The following RAB7A variants were observed in gnomAD, a reference collection of about 807,000 sequenced individuals.
RAB7A encodes the protein RAB7A, member RAS oncogene family, also known as ras-related protein Rab-7a.
In RAB7A, 2 loss-of-function variants were observed where a neutral mutation model predicts 24.5. The observed-to-expected ratio is 0.08, with a 90% confidence interval of 0.03 to 0.26. The LOEUF (loss-of-function observed/expected upper bound fraction) is 0.26, where lower values mean the gene tolerates loss of function less well. Ranked by LOEUF, RAB7A falls within the 10% of genes least tolerant of loss-of-function variation. The pLI is 1.00. For missense variants in RAB7A, 118 were observed against 255.7 expected (o/e 0.46, Z 3.67); for synonymous variants, 100 against 95.9 (o/e 1.04, Z -0.25).
intron 1 of RAB7A, among the ~76,000 whole-genome samples, chr3:128,762,784 C>T (rs2070785664): frequency 6.6e-6 from 1 of 152,154 alleles, no homozygotes; most frequent in Admixed American, 6.5e-5. Flanking sequence ...GAAAGCCACT[C>T]CTCCTCTAAT....
At chr3:128,780,556 A>C (rs1933196566) in intron 1 of RAB7A, among the ~76,000 whole-genome samples, 1 of 152,238 alleles carries the variant, frequency 6.6e-6, no homozygotes, top group Non-Finnish European at 1.5e-5. Flanking sequence ...TCTGCAGGTC[A>C]TCCCCAGCAC....
chr3:128,746,550 A>G lies in RAB7A; in HGVS notation c.-9+20191A>G, dbSNP rs527551543. Among the ~76,000 whole-genome samples, 77 of 150,432 alleles carry G rather than the reference A, an allele frequency of 5.1e-4. 1 individual carries two copies. The South Asian group carries it at 9.6e-3, about 19-fold the overall frequency. On this transcript the variant is annotated intron_variant, in intron 1 of 5. Coordinates refer to ENST00000265062, the MANE Select transcript of RAB7A (RefSeq NM_004637.6). ...TTTATTTTTTATTTTGTTTTTGGAG[A>G]TGGAGTCTCGCTCTGTCTCCCAGGC...
At chr3:128,765,818 A>G (rs979288338) in intron 1 of RAB7A, among the ~76,000 whole-genome samples, 3 of 148,710 alleles carry the variant, frequency 2.0e-5, no homozygotes, top group African/African-American at 5.0e-5. Flanking sequence ...TTGGAGTACA[A>G]TGGCTCAGTC....
intron 1 of RAB7A, among the ~76,000 whole-genome samples, chr3:128,760,139 T>TC (rs2107595787): frequency 6.6e-6 from 1 of 152,208 alleles, no homozygotes; most frequent in African/African-American, 2.4e-5. Context: ...GTGGCTGCCC[T>TC]CCCCAGCGTG....
At chr3:128,736,816 TACA>T (rs2070493896) in intron 1 of RAB7A, among the ~76,000 whole-genome samples, 1 of 152,158 alleles carries the variant, frequency 6.6e-6, no homozygotes, top group African/African-American at 2.4e-5. Context: ...AGTGTGATCC[TACA>T]TGTGTGGACT....
At chr3:128,752,811 CTGAAGTATG>C (rs2070698911) in intron 1 of RAB7A, among the ~76,000 whole-genome samples, 4 of 149,232 alleles carry the variant, frequency 2.7e-5, no homozygotes, top group African/African-American at 9.9e-5. Flanking sequence ...TTTTTGAAAC[CTGAAGTATG>C]CTACAACAGC....
At chr3:128,775,548 C>T (rs142751871) in intron 1 of RAB7A, among the ~76,000 whole-genome samples, 2 of 152,252 alleles carry the variant, frequency 1.3e-5, no homozygotes, top group South Asian at 2.1e-4. Context: ...TCCATTTGTC[C>T]TGAGCAGGCA....
chr3:128,791,148 G>GT (rs1037576591), intron 1 of RAB7A, among the ~76,000 whole-genome samples: 149 of 145,800 alleles, frequency 1.0e-3, no homozygotes, highest in Admixed American at 2.1e-3. Flanking sequence ...TGTTTTGTTT[G>GT]TTTTTTTTTT....
chr3:128,809,931 ACAGTCTTTT>A (rs1933884802), intron 5 of RAB7A, among the ~76,000 whole-genome samples: 1 of 67,328 alleles, frequency 1.5e-5, no homozygotes, highest in African/African-American at 6.1e-5. Context: ...TCCTCTTGCC[ACAGTCTTTT>A]TTTTTTTTTT....
intron 1 of RAB7A, among the ~76,000 whole-genome samples, chr3:128,774,577 T>C (rs543993759): frequency 2.6e-5 from 4 of 152,122 alleles, no homozygotes; most frequent in Admixed American, 1.3e-4. Flanking sequence ...TTCTTTTATT[T>C]ATTTATTTAT....
chr3:128,776,721 A>G (rs1053397019), intron 1 of RAB7A, among the ~76,000 whole-genome samples: 1 of 152,166 alleles, frequency 6.6e-6, no homozygotes, highest in East Asian at 1.9e-4. Flanking sequence ...CTTTGGCTAT[A>G]TCATTGGATC....
chr3:128,760,905 A>G (rs768022568), intron 1 of RAB7A, among the ~76,000 whole-genome samples: 1 of 152,220 alleles, frequency 6.6e-6, no homozygotes, highest in African/African-American at 2.4e-5. Flanking sequence ...ATCCCTTAAA[A>G]AGCTTCATCT....
chr3:128,744,745 A>T (rs1372778565), intron 1 of RAB7A, among the ~76,000 whole-genome samples: 1 of 152,204 alleles, frequency 6.6e-6, no homozygotes, highest in African/African-American at 2.4e-5. Flanking sequence ...TAACCAGGTA[A>T]TGTCAGTGTG....
At chr3:128,728,140 T>C (rs1301016453) in intron 1 of RAB7A, among the ~76,000 whole-genome samples, 1 of 152,182 alleles carries the variant, frequency 6.6e-6, no homozygotes, top group Non-Finnish European at 1.5e-5. Flanking sequence ...CTCAGGGAGA[T>C]AGGCGTGGTT....
intron 5 of RAB7A, among the ~76,000 whole-genome samples, chr3:128,811,266 A>G (rs1414526280): frequency 6.6e-6 from 1 of 152,164 alleles, no homozygotes; most frequent in Non-Finnish European, 1.5e-5. Flanking sequence ...AGGTAGGACT[A>G]CAGGCACACC....
At chr3:128,796,239 C>T (rs1471429887) in intron 2 of RAB7A, among the ~76,000 whole-genome samples, 4 of 151,984 alleles carry the variant, frequency 2.6e-5, no homozygotes, top group African/African-American at 9.7e-5. Flanking sequence ...GCCCATAATC[C>T]CAGTGCTTTG....
chr3:128,809,726 G>C (rs1933878930), intron 5 of RAB7A, among the ~76,000 whole-genome samples: 1 of 149,352 alleles, frequency 6.7e-6, no homozygotes, highest in African/African-American at 2.6e-5. Flanking sequence ...TTCCTCTCAA[G>C]AGAGCTCAGC....
chr3:128,765,460 A>G (rs1280797562), intron 1 of RAB7A, among the ~76,000 whole-genome samples: 1 of 152,222 alleles, frequency 6.6e-6, no homozygotes, highest in Non-Finnish European at 1.5e-5. Context: ...TTACATCTTC[A>G]GTTAACCTCT....
chr3:128,802,507 A>T (rs1933721036), intron 3 of RAB7A, among the ~76,000 whole-genome samples: 1 of 152,066 alleles, frequency 6.6e-6, no homozygotes, highest in East Asian at 1.9e-4. Flanking sequence ...TTATGTATGT[A>T]TGTATTTATT....
Sources: allele counts gnomAD v4.1 joint callset (sites outside exome capture counted in the v4.1 genomes callset), GRCh38; gene constraint gnomAD v4.1.1; transcripts MANE v1.5; gene names NCBI Gene and HGNC (gene_info 2026-07-23, HGNC 2026-07-21).